Variants in DPP10 observed in about 807,000 individuals in gnomAD.
DPP10 encodes inactive dipeptidyl peptidase 10.
A neutral mutation model predicts 120.9 loss-of-function variants in DPP10; 33 were observed. The ratio of observed to expected loss-of-function variants is 0.27; its 90% CI spans 0.21 to 0.37. The LOEUF (loss-of-function observed/expected upper bound fraction) is 0.37, where lower values mean the gene tolerates loss of function less well. Ranked by LOEUF, DPP10 falls within the 10% of genes least tolerant of loss-of-function variation. The pLI, the probability that DPP10 is intolerant of heterozygous loss-of-function variation, is 1.00. For missense variants in DPP10, 816 were observed against 942.8 expected, an observed-to-expected ratio of 0.87 and a Z score of 1.76; for synonymous variants, 337 against 326.1, an observed-to-expected ratio of 1.03 and a Z score of -0.36.
intron 1 of DPP10, among the ~76,000 whole-genome samples, chr2:115,089,713 C>T (rs1192616433): frequency 6.6e-6 from 1 of 152,148 alleles, no homozygotes; most frequent in Admixed American, 6.6e-5. Flanking sequence ...TGGAAAAGTG[C>T]CCGATTTTAC....
At chr2:114,822,524 A>T (rs1411270764) in intron 1 of DPP10, among the ~76,000 whole-genome samples, 1 of 151,914 alleles carries the variant, frequency 6.6e-6, no homozygotes, top group African/African-American at 2.4e-5. Context: ...CTTGTTTCTT[A>T]TGCAAATTAC....
chr2:115,404,332 G>C (rs2068345343), intron 3 of DPP10, among the ~76,000 whole-genome samples: 1 of 152,082 alleles, frequency 6.6e-6, no homozygotes, highest in South Asian at 2.1e-4. Context: ...TAAACAGGAT[G>C]GTCCTACTCA....
At chr2:114,449,309 C>T (rs972530975) in intron 1 of DPP10, among the ~76,000 whole-genome samples, 2 of 152,064 alleles carry the variant, frequency 1.3e-5, no homozygotes, top group African/African-American at 4.8e-5. Context: ...ACTGGAACAA[C>T]ATGAATAATT....
At chr2:114,923,886 T>C (rs1380029073) in intron 1 of DPP10, among the ~76,000 whole-genome samples, 2 of 152,186 alleles carry the variant, frequency 1.3e-5, no homozygotes, top group African/African-American at 4.8e-5. Flanking sequence ...GAATATTATT[T>C]AATTTGTTTT....
intron 1 of DPP10, chr2:114,834,156 TATGTATATATAAGCCATATCTACACAC>T: frequency 1.4e-5 from 2 of 139,130 alleles, no homozygotes; most frequent in Non-Finnish European, 3.3e-5. Flanking sequence ...TCTACGCACC[TATGTATATATAAGCCATATCTACACAC>T]CTATGTATAT....
intron 1 of DPP10, among the ~76,000 whole-genome samples, chr2:115,076,865 A>G (rs1423209772): frequency 6.6e-6 from 1 of 152,204 alleles, no homozygotes; most frequent in Non-Finnish European, 1.5e-5. Context: ...TATACACAGG[A>G]TATTTCTTTC....
intron 1 of DPP10, among the ~76,000 whole-genome samples, chr2:115,224,449 C>T (rs1374915943): frequency 6.6e-6 from 1 of 152,022 alleles, no homozygotes; most frequent in Admixed American, 6.6e-5. Flanking sequence ...GTGAGTTTCT[C>T]TAAGTTTCCT....
intron 1 of DPP10, among the ~76,000 whole-genome samples, chr2:115,183,330 G>A (rs1415780610): frequency 6.6e-6 from 1 of 152,084 alleles, no homozygotes; most frequent in East Asian, 1.9e-4. Flanking sequence ...TGGAATTTGG[G>A]AATAAAGCCA....
chr2:114,953,803 T>TTA (rs1279697145), intron 1 of DPP10, among the ~76,000 whole-genome samples: 1 of 152,150 alleles, frequency 6.6e-6, no homozygotes, highest in East Asian at 1.9e-4. Context: ...TACTGATTAT[T>TTA]TAATGTTTTG....
intron 3 of DPP10, among the ~76,000 whole-genome samples, chr2:115,382,178 G>A (rs1038143856): frequency 7.2e-4 from 110 of 152,290 alleles, no homozygotes; most frequent in African/African-American, 2.5e-3. Context: ...CTTGCAGTTT[G>A]ATCTCAGACT....
At chr2:115,182,068 TATAAAG>T (rs1454062371) in intron 1 of DPP10, among the ~76,000 whole-genome samples, 1 of 152,192 alleles carries the variant, frequency 6.6e-6, no homozygotes, top group African/African-American at 2.4e-5. Context: ...TAGAAATAAA[TATAAAG>T]CAATCACCTT....
intron 7 of DPP10, among the ~76,000 whole-genome samples, chr2:115,693,618 G>A (rs756553177): frequency 6.6e-6 from 1 of 151,958 alleles, no homozygotes; most frequent in Non-Finnish European, 1.5e-5. Flanking sequence ...ATACACTCAG[G>A]GAAATAGTAT....
At chr2:115,360,640 G>C (rs977271193) in intron 3 of DPP10, among the ~76,000 whole-genome samples, 8 of 152,194 alleles carry the variant, frequency 5.3e-5, no homozygotes, top group African/African-American at 1.9e-4. Context: ...ACTTGGGGGA[G>C]CTCCCTGTAG....
intron 1 of DPP10, among the ~76,000 whole-genome samples, chr2:114,951,298 T>C (rs1697766132): frequency 6.6e-6 from 1 of 152,174 alleles, no homozygotes; most frequent in South Asian, 2.1e-4. Context: ...TATAATTTGC[T>C]CCATACTATT....
chr2:114,993,598 A>ATATATATATATATATC (rs1700889975), intron 1 of DPP10, among the ~76,000 whole-genome samples: 1 of 144,810 alleles, frequency 6.9e-6, no homozygotes, highest in African/African-American at 2.5e-5. Context: ...ATATATATAT[A>ATATATATATATATATC]TATATATATG....
rs115395731 is a variant in DPP10 at position 114,840,072 on chromosome 2, G to A, written c.60+397234G>A. Among the ~76,000 whole-genome samples the A allele has an allele frequency of 2.3e-3, 346 of 152,056 alleles. 2 individuals are homozygous for A. The highest frequency in any genetic ancestry group is 8.1e-3 in the African/African-American group (334 of 41,464). On this transcript the variant is annotated intron_variant, in intron 1 of 25. Coordinates refer to ENST00000410059, the MANE Select transcript of DPP10 (RefSeq NM_020868.6). ...CTCCCCTCCACAAACATCCCCACTG[G>A]GCCTTCACAAAGCCTGTGAAACAGC... is the stretch of plus-strand genomic sequence containing the variant.
chr2:115,287,755 A>G (rs968848616), intron 1 of DPP10, among the ~76,000 whole-genome samples: 8 of 152,224 alleles, frequency 5.3e-5, no homozygotes, highest in Admixed American at 1.3e-4. Context: ...CCCTTTTACA[A>G]TCGCTACAAA....
intron 1 of DPP10, among the ~76,000 whole-genome samples, chr2:114,975,894 A>G (rs953544554): frequency 6.6e-6 from 1 of 152,090 alleles, no homozygotes; most frequent in African/African-American, 2.4e-5. Flanking sequence ...CAAGTGGTCC[A>G]CCCACCTTGG....
chr2:115,419,153 G>A (rs931187239), intron 3 of DPP10, among the ~76,000 whole-genome samples: 2 of 152,130 alleles, frequency 1.3e-5, no homozygotes, highest in South Asian at 4.1e-4. Flanking sequence ...TCACAGCATA[G>A]TAAGTTTTGG....
Sources: allele counts gnomAD v4.1 joint callset (sites outside exome capture counted in the v4.1 genomes callset), GRCh38; gene constraint gnomAD v4.1.1; transcripts MANE v1.5; gene names NCBI Gene and HGNC (gene_info 2026-07-23, HGNC 2026-07-21).